Variants in SRGAP3 observed in about 807,000 individuals in gnomAD.
SRGAP3 encodes SLIT-ROBO Rho GTPase-activating protein 3.
A neutral mutation model predicts 121.1 loss-of-function variants in SRGAP3; 39 were observed. The ratio of observed to expected loss-of-function variants is 0.32; its 90% CI spans 0.25 to 0.42. The LOEUF is 0.42. Ranked by LOEUF, SRGAP3 falls within the 10% of genes least tolerant of loss-of-function variation. The probability of loss-of-function intolerance (pLI) is 1.00; values close to 1 mark genes in which losing one functional copy is unlikely to be tolerated. For missense variants in SRGAP3, 1,213 were observed against 1,470.6 expected, an observed-to-expected ratio of 0.82 and a Z score of 2.86; for synonymous variants, 601 against 570.0, an observed-to-expected ratio of 1.05 and a Z score of -0.77.
At chr3:9,343,941 C>G (rs1182971806) in intron 1 of SRGAP3, among the ~76,000 whole-genome samples, 1 of 152,224 alleles carries the variant, frequency 6.6e-6, no homozygotes, top group Non-Finnish European at 1.5e-5. Flanking sequence ...CCACCACACA[C>G]AGCCTGCCCT....
chr3:9,360,925 A>G (rs1194197061), intron 1 of SRGAP3, among the ~76,000 whole-genome samples: 1 of 152,204 alleles, frequency 6.6e-6, no homozygotes, highest in Non-Finnish European at 1.5e-5. Flanking sequence ...ATTGCCCCAC[A>G]TACTCATTAG....
At chr3:8,993,582 G>C (rs1419048771) in intron 19 of SRGAP3, among the ~76,000 whole-genome samples, 1 of 152,206 alleles carries the variant, frequency 6.6e-6, no homozygotes, top group Admixed American at 6.5e-5. Context: ...GTGGTGACTT[G>C]TCCCTGATCT....
intron 1 of SRGAP3, among the ~76,000 whole-genome samples, chr3:9,224,134 G>T (rs534801328): frequency 1.3e-5 from 2 of 152,260 alleles, no homozygotes; most frequent in South Asian, 4.1e-4. Context: ...CCTTCCACAT[G>T]ATACCTACAG....
At chr3:9,298,922 G>C (rs763463686) in intron 3 of SRGAP3, among the ~76,000 whole-genome samples, 3 of 151,684 alleles carry the variant, frequency 2.0e-5, no homozygotes, top group Non-Finnish European at 4.4e-5. Context: ...CGTGGTGGTG[G>C]GTACCTGTAA....
intron 3 of SRGAP3, among the ~76,000 whole-genome samples, chr3:9,287,536 G>A (rs1239221946): frequency 6.6e-6 from 1 of 152,102 alleles, no homozygotes; most frequent in Admixed American, 6.6e-5. Context: ...TTCTCACTTA[G>A]AAGTGGGAGC....
chr3:9,011,067 G>A (rs926974555), intron 17 of SRGAP3, among the ~76,000 whole-genome samples: 1 of 152,010 alleles, frequency 6.6e-6, no homozygotes, highest in Non-Finnish European at 1.5e-5. Context: ...GCCATTGAGT[G>A]AGTTCTAATA....
rs1209520695 is a variant in SRGAP3, at chr3:8,981,874, C to A, written c.*3645G>T. ...CCTGGTGACTTCAGAGAAAAGACTCCAAAGTCTAATTCCCAAGCTCGCAAT... is the reference window on the plus strand; with the variant it reads ...CCTGGTGACTTCAGAGAAAAGACTCAAAAGTCTAATTCCCAAGCTCGCAAT... On this transcript the variant is annotated 3_prime_UTR_variant, in exon 22 of 22. Transcript: ENST00000383836. The A allele has an allele frequency of 8.8e-6, 2 of 228,298 alleles. No homozygotes were observed. The highest frequency in any genetic ancestry group is 4.4e-5 in the African/African-American group (2 of 45,068). The allele number at this position is 228,298 out of a possible 1,614,324, so 14.1% of individuals were successfully genotyped here.
At chr3:9,355,477 C>A (rs2125296608) in intron 1 of SRGAP3, among the ~76,000 whole-genome samples, 1 of 152,350 alleles carries the variant, frequency 6.6e-6, no homozygotes, top group South Asian at 2.1e-4. Context: ...TCTGCAGCCT[C>A]ACTGGCCACC....
intron 1 of SRGAP3, among the ~76,000 whole-genome samples, chr3:9,160,268 C>G (rs1348518796): frequency 6.6e-6 from 1 of 152,168 alleles, no homozygotes; most frequent in Non-Finnish European, 1.5e-5. Context: ...TCACCTCCCC[C>G]TAAGTGTGGG....
At chr3:9,088,325 G>A (rs930969949) in intron 3 of SRGAP3, among the ~76,000 whole-genome samples, 2 of 152,136 alleles carry the variant, frequency 1.3e-5, no homozygotes, top group African/African-American at 4.8e-5. Context: ...CCTCCAGATT[G>A]ACGGAGCACA....
intron 1 of SRGAP3, among the ~76,000 whole-genome samples, chr3:9,168,676 A>G (rs1950877459): frequency 6.6e-6 from 1 of 152,260 alleles, no homozygotes; most frequent in Non-Finnish European, 1.5e-5. Flanking sequence ...AGGCAAGCCA[A>G]CTAAAAGATG....
chr3:9,171,783 C>G (rs1181110490), intron 1 of SRGAP3, among the ~76,000 whole-genome samples: 1 of 152,264 alleles, frequency 6.6e-6, no homozygotes, highest in East Asian at 1.9e-4. Context: ...TTTCTGGGAG[C>G]TGGCCCAATA....
At chr3:9,356,358 A>ATT (rs869098475) in intron 1 of SRGAP3, among the ~76,000 whole-genome samples, 25 of 39,644 alleles carry the variant, frequency 6.3e-4, no homozygotes, top group Non-Finnish European at 7.9e-4. Flanking sequence ...TGGCCAGCTA[A>ATT]TTTTTTTTTT....
intron 1 of SRGAP3, among the ~76,000 whole-genome samples, chr3:9,335,505 T>C (rs17050246): frequency 0.011 from 1,657 of 152,336 alleles, 15 homozygotes; most frequent in South Asian, 0.039. Context: ...CTGTCCATTC[T>C]ATTAGGTTTT....
intron 21 of SRGAP3, among the ~76,000 whole-genome samples, chr3:8,986,732 AT>A (rs35536096): frequency 2.8e-5 from 4 of 144,710 alleles, no homozygotes; most frequent in Middle Eastern, 6.9e-3. Context: ...TAATCAGAAA[AT>A]TTTTTTAAAA....
chr3:9,350,687 A>C (rs927212040), intron 1 of SRGAP3, among the ~76,000 whole-genome samples: 1 of 152,172 alleles, frequency 6.6e-6, no homozygotes, highest in African/African-American at 2.4e-5. Context: ...TAATAAAGAG[A>C]TCAGACACAT....
chr3:9,119,234 C>T (rs899550302), intron 2 of SRGAP3, among the ~76,000 whole-genome samples: 2 of 152,214 alleles, frequency 1.3e-5, no homozygotes, highest in African/African-American at 2.4e-5. Context: ...TCCTCCATTC[C>T]TCTCTGAGAG....
At chr3:9,058,221 C>T (rs1945928463) in intron 7 of SRGAP3, 30 bp downstream of exon 7, 3 of 1,612,060 alleles carry the variant, frequency 1.9e-6, no homozygotes, top group African/African-American at 1.3e-5. Context: ...GGGAAGCAGC[C>T]CCAAGCCCGG....
chr3:9,123,401 C>CACAT (rs60204401), intron 2 of SRGAP3, among the ~76,000 whole-genome samples: 88 of 4,642 alleles, frequency 0.019, 1 homozygote, highest in Admixed American at 0.049. Context: ...ATACACAATA[C>CACAT]ACATACATAC....
Sources: allele counts gnomAD v4.1 joint callset (sites outside exome capture counted in the v4.1 genomes callset), GRCh38; gene constraint gnomAD v4.1.1; transcripts MANE v1.5; gene names NCBI Gene and HGNC (gene_info 2026-07-23, HGNC 2026-07-21).